SEMA5A: variants seen among roughly 807,000 people sequenced by gnomAD.
SEMA5A encodes semaphorin 5A.
SEMA5A carries 55 observed loss-of-function variants against 135.5 expected under a neutral mutation model. That is an observed-to-expected ratio of 0.41 (90% CI 0.33 to 0.51). The LOEUF (loss-of-function observed/expected upper bound fraction) is 0.51, where lower values mean the gene tolerates loss of function less well. SEMA5A is among the 20% of genes least tolerant of loss of function. SEMA5A has a pLI of 0.37. For missense variants in SEMA5A, 1,290 were observed against 1,419.9 expected, an observed-to-expected ratio of 0.91 and a Z score of 1.47; for synonymous variants, 580 against 546.5, an observed-to-expected ratio of 1.06 and a Z score of -0.85.
intron 1 of SEMA5A, among the ~76,000 whole-genome samples, chr5:9,484,213 C>T (rs544578356): frequency 4.3e-4 from 66 of 152,310 alleles, no homozygotes; most frequent in African/African-American, 9.6e-4. Flanking sequence ...GGGCAAAGTA[C>T]GTGCTCTGTG....
chr5:9,157,932 A>C (rs1274010704), intron 11 of SEMA5A, among the ~76,000 whole-genome samples: 2 of 152,318 alleles, frequency 1.3e-5, no homozygotes, highest in Non-Finnish European at 2.9e-5. Context: ...TGCTGTTTTT[A>C]CTTTACAACA....
chr5:9,237,804 T>G, intron 6 of SEMA5A, 24 bp downstream of exon 6: 1 of 1,611,494 alleles, frequency 6.2e-7, no homozygotes, highest in Non-Finnish European at 8.5e-7. Context: ...GGGTGATGGC[T>G]GCTCATAATT....
At chr5:9,230,158 CTTT>C (rs5865817) in intron 6 of SEMA5A, among the ~76,000 whole-genome samples, 1 of 98,280 alleles carries the variant, frequency 1.0e-5, no homozygotes, top group East Asian at 3.1e-4. Context: ...CTATTTTTTT[CTTT>C]TTTTTTTTTT....
At chr5:9,366,408 AGATG>A (rs1303612331) in intron 3 of SEMA5A, among the ~76,000 whole-genome samples, 32 of 140,396 alleles carry the variant, frequency 2.3e-4, no homozygotes, top group African/African-American at 8.8e-4. Context: ...TTTTTTTTTT[AGATG>A]GAGTCTCGCT....
chr5:9,316,335 G>T (rs1752388003), intron 5 of SEMA5A, among the ~76,000 whole-genome samples: 1 of 152,106 alleles, frequency 6.6e-6, no homozygotes, highest in African/African-American at 2.4e-5. Context: ...TCCTTCGTTT[G>T]TTTTCATGGA....
At chr5:9,167,544 C>A (rs1481593458) in intron 11 of SEMA5A, among the ~76,000 whole-genome samples, 2 of 152,176 alleles carry the variant, frequency 1.3e-5, no homozygotes, top group African/African-American at 4.8e-5. Context: ...TTCCAGAACA[C>A]CCCAGGACTT....
At chr5:9,502,841 G>C (rs1735668045) in intron 1 of SEMA5A, among the ~76,000 whole-genome samples, 1 of 152,160 alleles carries the variant, frequency 6.6e-6, no homozygotes, top group Admixed American at 6.5e-5. Flanking sequence ...GAGTGACGGA[G>C]AAGGAAGAAG....
chr5:9,226,787 A>G, intron 7 of SEMA5A, 82 bp downstream of exon 7: 2 of 1,086,564 alleles, frequency 1.8e-6, no homozygotes, highest in Non-Finnish European at 1.4e-6. Flanking sequence ...GTGTATAGAA[A>G]TTCATTTAAA....
At chr5:9,136,737 C>G in intron 12 of SEMA5A, 116 bp from the exon 13 acceptor site, 1 of 793,560 alleles carries the variant, frequency 1.3e-6, no homozygotes, top group Non-Finnish European at 2.2e-6. Flanking sequence ...CATATGAAGC[C>G]CAATGGGTAT....
intron 11 of SEMA5A, among the ~76,000 whole-genome samples, chr5:9,162,564 G>GTATATATATATA (rs779776274): frequency 2.7e-4 from 23 of 84,054 alleles, no homozygotes; most frequent in East Asian, 1.6e-3. Context: ...GTGTGTGTGT[G>GTATATATATATA]TATATATATA....
intron 1 of SEMA5A, among the ~76,000 whole-genome samples, chr5:9,521,799 G>A (rs1404090247): frequency 2.6e-5 from 4 of 152,122 alleles, no homozygotes; most frequent in Admixed American, 6.5e-5. Flanking sequence ...CCCTGCAGCC[G>A]TGTTCTGAGC....
chr5:9,079,573 C>A (rs151091388), intron 16 of SEMA5A, among the ~76,000 whole-genome samples: 1 of 151,872 alleles, frequency 6.6e-6, no homozygotes, highest in Non-Finnish European at 1.5e-5. Flanking sequence ...AGCTTCTGCA[C>A]AGCAAAAGAA....
At chr5:9,335,974 A>G (rs1753371790) in intron 4 of SEMA5A, among the ~76,000 whole-genome samples, 1 of 152,052 alleles carries the variant, frequency 6.6e-6, no homozygotes, top group African/African-American at 2.4e-5. Flanking sequence ...AAATAATGCA[A>G]TATTGTACAT....
chr5:9,358,015 C>G (rs1320462137), intron 3 of SEMA5A, among the ~76,000 whole-genome samples: 3 of 152,294 alleles, frequency 2.0e-5, no homozygotes, highest in Admixed American at 6.5e-5. Context: ...TAGACTGAGA[C>G]AGTGGATCAT....
intron 19 of SEMA5A, among the ~76,000 whole-genome samples, chr5:9,052,788 C>A (rs530480580): frequency 1.3e-5 from 2 of 151,630 alleles, no homozygotes; most frequent in African/African-American, 4.8e-5. Flanking sequence ...AGGAGTAAGA[C>A]TCCTATATAA....
intron 16 of SEMA5A, among the ~76,000 whole-genome samples, chr5:9,067,132 CT>C (rs1301939391): frequency 1.3e-5 from 2 of 152,134 alleles, no homozygotes; most frequent in South Asian, 2.1e-4. Context: ...ATGCAAGAGA[CT>C]TTTTTTACGT....
intron 5 of SEMA5A, among the ~76,000 whole-genome samples, chr5:9,249,198 C>T (rs1054673143): frequency 2.0e-5 from 3 of 152,174 alleles, no homozygotes; most frequent in Admixed American, 6.5e-5. Context: ...GCTCTGAAAA[C>T]AGAGTAGAAA....
Position 9,329,914 on chromosome 5 carries a change from G to A in SEMA5A, c.224+7799C>T, listed in dbSNP as rs553276498. 4.6e-5 allele frequency among the ~76,000 whole-genome samples: 7 copies of A among 152,080 alleles called. No individual in the cohort carries two copies. The South Asian group carries it at 1.0e-3, about 23-fold the overall frequency. On this transcript the variant is annotated intron_variant, in intron 4 of 22. Transcript: ENST00000382496. ...AAATCATCTCTAGATTACTTATATC[G>A]AGCACATTATAAATGTAAATAGTCG...
chr5:9,199,384 G>A (rs1284082467), intron 9 of SEMA5A, among the ~76,000 whole-genome samples: 2 of 152,166 alleles, frequency 1.3e-5, no homozygotes, highest in South Asian at 2.1e-4. Context: ...GGCAAAGGAC[G>A]GGCCTGTGTG....
Sources: gnomAD v4.1 joint callset for allele counts (sites outside exome capture counted in the v4.1 genomes callset) on GRCh38, gnomAD v4.1.1 for gene constraint, MANE v1.5 for transcripts, NCBI Gene and HGNC (gene_info 2026-07-23, HGNC 2026-07-21) for gene names.